The following SMYD3 variants were observed in gnomAD, a reference collection of about 807,000 sequenced individuals.
SMYD3 encodes the protein SET and MYND domain containing 3, also known as histone-lysine N-methyltransferase SMYD3.
SMYD3 carries 36 observed loss-of-function variants against 57.7 expected under a neutral mutation model. The ratio of observed to expected loss-of-function variants is 0.62; its 90% CI spans 0.48 to 0.82. The LOEUF is 0.82. Among genes scored for constraint, SMYD3 ranks in the 40% least tolerant of loss-of-function variants. The pLI is 0.00. For synonymous variants in SMYD3, 211 were observed against 195.0 expected (o/e 1.08, Z -0.68); for missense variants, 515 against 538.8 (o/e 0.96, Z 0.44).
intron 1 of SMYD3, among the ~76,000 whole-genome samples, chr1:246,456,006 A>G (rs1001791821): frequency 9.2e-5 from 14 of 152,230 alleles, no homozygotes; most frequent in Admixed American, 7.2e-4. Context: ...GGGAAAAACT[A>G]TGCAAAAATA....
At chr1:246,094,815 A>G (rs1459944218) in intron 5 of SMYD3, among the ~76,000 whole-genome samples, 1 of 152,130 alleles carries the variant, frequency 6.6e-6, no homozygotes, top group South Asian at 2.1e-4. Flanking sequence ...CCTAACACAC[A>G]TCACAGTTCC....
chr1:246,105,057 A>G (rs1280335973), intron 5 of SMYD3, among the ~76,000 whole-genome samples: 1 of 152,102 alleles, frequency 6.6e-6, no homozygotes, highest in African/African-American at 2.4e-5. Context: ...AAGAGGCAAA[A>G]TCACAGGTAA....
intron 8 of SMYD3, among the ~76,000 whole-genome samples, chr1:245,874,444 C>T (rs1239723660): frequency 6.6e-6 from 1 of 152,158 alleles, no homozygotes; most frequent in African/African-American, 2.4e-5. Context: ...CAAGTCTAGA[C>T]ATAGCTTTTT....
At chr1:245,815,548 A>C (rs1248130399) in intron 10 of SMYD3, among the ~76,000 whole-genome samples, 1 of 152,246 alleles carries the variant, frequency 6.6e-6, no homozygotes, top group Non-Finnish European at 1.5e-5. Flanking sequence ...ATGCATATTA[A>C]GACTTGAGCA....
intron 1 of SMYD3, among the ~76,000 whole-genome samples, chr1:246,382,174 C>T (rs2066398412): frequency 6.6e-6 from 1 of 150,506 alleles, no homozygotes; most frequent in Non-Finnish European, 1.5e-5. Context: ...AGCCCCAAAC[C>T]CCTCCAGCTG....
intron 5 of SMYD3, among the ~76,000 whole-genome samples, chr1:246,124,948 T>C (rs1267636823): frequency 1.3e-5 from 2 of 151,964 alleles, no homozygotes; most frequent in South Asian, 4.2e-4. Context: ...GGCGGGCGCC[T>C]GTAGTCCCAG....
chr1:246,161,275 CCTACAGCTTTCAGCGTGCA>C (rs1260122329), intron 5 of SMYD3, among the ~76,000 whole-genome samples: 3 of 152,154 alleles, frequency 2.0e-5, no homozygotes, highest in Admixed American at 6.5e-5. Context: ...TCTCCGGGGC[CCTACAGCTTTCAGCGTGCA>C]CTTCAAACTC....
At chr1:246,465,312 T>G (rs1197955542) in intron 1 of SMYD3, among the ~76,000 whole-genome samples, 1 of 152,216 alleles carries the variant, frequency 6.6e-6, no homozygotes, top group East Asian at 1.9e-4. Context: ...TCTAAAGACT[T>G]GAATTGTTTC....
chr1:245,796,805 C>T (rs1462489045), intron 10 of SMYD3, among the ~76,000 whole-genome samples: 1 of 152,166 alleles, frequency 6.6e-6, no homozygotes, highest in Non-Finnish European at 1.5e-5. Context: ...GATCACTGCT[C>T]CATTCTATTA....
At chr1:245,762,174 G>C (rs2045874530) in intron 11 of SMYD3, among the ~76,000 whole-genome samples, 1 of 152,142 alleles carries the variant, frequency 6.6e-6, no homozygotes, top group Admixed American at 6.6e-5. Flanking sequence ...TGCGACTTTA[G>C]GTGAGCTCTT....
At chr1:245,910,742 A>G (rs966222750) in intron 8 of SMYD3, among the ~76,000 whole-genome samples, 3 of 152,104 alleles carry the variant, frequency 2.0e-5, no homozygotes, top group Admixed American at 1.3e-4. Flanking sequence ...CATATACAAA[A>G]GTCATATCAA....
In SMYD3 at chr1:245,861,506, TA is replaced by T. The variant is rs1291015915; in HGVS notation, c.901+2292del. 3.9e-5 allele frequency among the ~76,000 whole-genome samples: 6 copies of T among 152,184 alleles called. No individual in the cohort carries two copies. In the East Asian group the frequency reaches 1.2e-3, roughly 29 times the overall value. On this transcript the variant is annotated intron_variant, in intron 9 of 11. Transcript: ENST00000490107. Reference sequence around the variant, plus strand: ...CACTTAATCATATTACTCTACTGCTTAAAAAATCATCCCATGGCCTCCTCTC... The same window carrying T: ...CACTTAATCATATTACTCTACTGCTTAAAAATCATCCCATGGCCTCCTCTC...
intron 1 of SMYD3, among the ~76,000 whole-genome samples, chr1:246,496,364 T>C (rs2068363944): frequency 6.6e-6 from 1 of 152,054 alleles, no homozygotes; most frequent in Non-Finnish European, 1.5e-5. Flanking sequence ...TATAAGATGG[T>C]TCATTAACAT....
chr1:245,873,747 C>A (rs2052345242), intron 8 of SMYD3, among the ~76,000 whole-genome samples: 1 of 152,172 alleles, frequency 6.6e-6, no homozygotes, highest in South Asian at 2.1e-4. Context: ...TGTGGCCACT[C>A]CAGAGACATT....
rs200823927 is a variant in SMYD3 at position 245,872,491 on chromosome 1, C to A, written c.814-8605G>T. Among the ~76,000 whole-genome samples, 858 of 103,478 alleles carry A rather than the reference C, an allele frequency of 8.3e-3. 11 individuals are homozygous for A. In the East Asian group the frequency reaches 0.23, roughly 27 times the overall value. The allele number at this position is 103,478 out of a possible 152,430, so 67.9% of individuals were successfully genotyped here. ...CCGACCCCAGGATGGATGTCCTCTT[C>A]TCAGATGAGAGAGCCTTCTCCCGTC... On this transcript the variant is annotated intron_variant, in intron 8 of 11. Transcript: ENST00000490107.
intron 8 of SMYD3, among the ~76,000 whole-genome samples, chr1:245,896,120 G>C (rs1174144870): frequency 1.3e-5 from 2 of 152,116 alleles, no homozygotes; most frequent in Non-Finnish European, 2.9e-5. Flanking sequence ...TGTGATAAAA[G>C]AAGATATAGA....
chr1:246,203,255 T>C lies in SMYD3; in HGVS notation c.531+123946A>G, dbSNP rs777505845. ...CTCACTGGTCCTTCAGTGAAATTAA[T>C]TCAATAAATATCCACAGAGCTTTAA... On this transcript the variant is annotated intron_variant, in intron 5 of 11. Coordinates refer to ENST00000490107, the MANE Select transcript of SMYD3 (RefSeq NM_001167740.2). The surrounding 1 kb of genome is among the most constrained non-coding windows in gnomAD (Gnocchi z 4.6). Among the ~76,000 whole-genome samples, 13 of 152,204 alleles carry C rather than the reference T, an allele frequency of 8.5e-5. No individual in the cohort carries two copies. The highest frequency in any genetic ancestry group is 1.5e-4 in the Non-Finnish European group (10 of 68,048).
intron 2 of SMYD3, among the ~76,000 whole-genome samples, chr1:246,346,613 C>G (rs1312657772): frequency 6.6e-6 from 1 of 152,094 alleles, no homozygotes; most frequent in Non-Finnish European, 1.5e-5. Flanking sequence ...CAGGAAGCCC[C>G]TTATAAAACC....
chr1:245,791,417 T>C (rs969485268), intron 10 of SMYD3, among the ~76,000 whole-genome samples: 1 of 152,148 alleles, frequency 6.6e-6, no homozygotes, highest in Admixed American at 6.5e-5. Context: ...AAACAGCATA[T>C]GGAAATGGCA....
Sources: gnomAD v4.1 joint callset for allele counts (sites outside exome capture counted in the v4.1 genomes callset) on GRCh38, gnomAD v4.1.1 for gene constraint, Gnocchi (gnomAD v3.1) non-coding constraint, MANE v1.5 for transcripts, NCBI Gene and HGNC (gene_info 2026-07-23, HGNC 2026-07-21) for gene names.